The following BAZ2B variants were observed in gnomAD, a reference collection of about 807,000 sequenced individuals.
BAZ2B encodes the protein bromodomain adjacent to zinc finger domain protein 2B.
BAZ2B carries 91 observed loss-of-function variants against 246.0 expected under a neutral mutation model. That is an observed-to-expected ratio of 0.37 (90% CI 0.31 to 0.44). The LOEUF (loss-of-function observed/expected upper bound fraction) is 0.44, where lower values mean the gene tolerates loss of function less well. Among genes scored for constraint, BAZ2B ranks in the 20% least tolerant of loss-of-function variants. The probability of loss-of-function intolerance (pLI) is 1.00; values close to 1 mark genes in which losing one functional copy is unlikely to be tolerated. For synonymous variants in BAZ2B, 855 were observed against 860.0 expected (o/e 0.99, Z 0.10); for missense variants, 2,332 against 2,533.7 (o/e 0.92, Z 1.71).
At chr2:159,586,977 C>T (rs146035154) in intron 1 of BAZ2B, among the ~76,000 whole-genome samples, 27 of 152,258 alleles carry the variant, frequency 1.8e-4, no homozygotes, top group African/African-American at 6.3e-4. Context: ...ACATACCTTC[C>T]TAAAACCTAA....
chr2:159,691,716 C>T, the BAZ2B span, among the ~76,000 whole-genome samples: 7 of 152,298 alleles, frequency 4.6e-5, no homozygotes, highest in Non-Finnish European at 7.4e-5. Flanking sequence ...TATAGTGTTA[C>T]TCAAGGTTTA....
chr2:159,701,029 T>C, the BAZ2B span, among the ~76,000 whole-genome samples: 1 of 152,230 alleles, frequency 6.6e-6, no homozygotes, highest in Admixed American at 6.5e-5. Context: ...CAAATTTAAT[T>C]GGCAAACACA....
intron 27 of BAZ2B, among the ~76,000 whole-genome samples, chr2:159,366,419 G>A (rs1468688758): frequency 1.3e-5 from 2 of 152,162 alleles, no homozygotes; most frequent in African/African-American, 2.4e-5. Flanking sequence ...AAATAACACT[G>A]CACATTTTGG....
In BAZ2B at chr2:159,428,390, A is replaced by G. The variant is rs763261974; in HGVS notation, c.2285T>C (p.Phe762Ser). The G allele has an allele frequency of 4.3e-6, 7 of 1,613,254 alleles. No individual in the cohort carries two copies. Among genetic ancestry groups the G allele is most frequent in the African/African-American group, 4.0e-5 (3 of 75,006 alleles). The part of the protein sequence containing the change: ...GWQRETRIRN[F>S]GGRLQGEVAY... The stretch of plus-strand genomic sequence containing the variant: ...TACTTCTCCTTGAAGGCGCCCTCCA[A>G]AGTTTCTTATTCTTGTCTCTCTCTG... The change falls in exon 12 of 37, where the codon TTT (phenylalanine) becomes TCT (serine). Residue 762 changes from phenylalanine (F) to serine (S), a missense_variant. Physicochemically the swap from Phe to Ser is radical, Grantham distance 155. Coordinates refer to ENST00000392783, the MANE Select transcript of BAZ2B (RefSeq NM_013450.4).
At chr2:159,356,468 T>C (rs1424337182) in intron 27 of BAZ2B, among the ~76,000 whole-genome samples, 1 of 152,168 alleles carries the variant, frequency 6.6e-6, no homozygotes, top group Non-Finnish European at 1.5e-5. Context: ...GGGCATCTCT[T>C]AAAGAAAGAC....
At chr2:159,600,558 A>T (rs1187688773) in intron 1 of BAZ2B, among the ~76,000 whole-genome samples, 1 of 152,248 alleles carries the variant, frequency 6.6e-6, no homozygotes, top group Non-Finnish European at 1.5e-5. Flanking sequence ...ACATACATTC[A>T]CATGATCTTG....
At chr2:159,704,482 CTTTTTT>C in the BAZ2B span, among the ~76,000 whole-genome samples, 1 of 117,014 alleles carries the variant, frequency 8.5e-6, no homozygotes, top group Non-Finnish European at 1.7e-5. Context: ...CTTTCTTTTT[CTTTTTT>C]TTTTTTTTTT....
At position 159,349,725 on chromosome 2, in the gene BAZ2B, C is replaced by T. The variant is rs750330246; in HGVS notation, c.4846G>A (p.Ala1616Thr). ...GTACTAACCTGAAGAGGTGATAAAG[C>T]AAATGGATTTAAGCCAACAGGATTC... ...AQNPVGLNPF[A>T]LSPLQVKGGV... Residue 1616 changes from alanine (A) to threonine (T), a missense_variant, in exon 28 of 37, where the codon GCT becomes ACT. Physicochemically the swap from Ala to Thr is moderately conservative, Grantham distance 58. Around this residue, in one of 9 missense-constraint regions of BAZ2B, gnomAD observed 676 missense variants for 668.6 expected, o/e 1.01. Coordinates refer to ENST00000392783, the MANE Select transcript of BAZ2B (RefSeq NM_013450.4). The T allele has an allele frequency of 6.2e-7, 1 of 1,613,298 alleles. No individual in the cohort carries two copies. The highest frequency in any genetic ancestry group is 2.2e-5 in the East Asian group (1 of 44,846).
At chr2:159,462,525 T>G in intron 3 of BAZ2B, 1 of 960,560 alleles carries the variant, frequency 1.0e-6, no homozygotes, top group Non-Finnish European at 1.7e-6. Flanking sequence ...CAGTTTTCAC[T>G]AATTGCTGTC....
the BAZ2B span, among the ~76,000 whole-genome samples, chr2:159,709,570 T>C: frequency 6.6e-6 from 1 of 152,188 alleles, no homozygotes. Context: ...ATCCCATAAA[T>C]ATATACAAAT....
At chr2:159,690,009 T>G in the BAZ2B span, 1 of 405,488 alleles carries the variant, frequency 2.5e-6, no homozygotes, top group African/African-American at 2.1e-5. Flanking sequence ...TTGTTACAAG[T>G]AAGATCCATG....
chr2:159,450,649 GAAAAATAC>G (rs2074949935), intron 4 of BAZ2B, among the ~76,000 whole-genome samples: 1 of 150,432 alleles, frequency 6.6e-6, no homozygotes. Flanking sequence ...TTGACAAAAT[GAAAAATAC>G]AAAATAAGGA....
chr2:159,371,027 C>T (rs373794688), intron 27 of BAZ2B, among the ~76,000 whole-genome samples: 12 of 152,214 alleles, frequency 7.9e-5, no homozygotes, highest in African/African-American at 2.2e-4. Flanking sequence ...AGGCTCGTCA[C>T]GAACTCCTGA....
intron 1 of BAZ2B, among the ~76,000 whole-genome samples, chr2:159,569,364 G>A (rs770798957): frequency 2.6e-5 from 4 of 152,094 alleles, no homozygotes; most frequent in Non-Finnish European, 5.9e-5. Flanking sequence ...TGCAACACGT[G>A]CAGATTCTGT....
At chr2:159,644,128 C>G in the BAZ2B span, among the ~76,000 whole-genome samples, 1 of 152,112 alleles carries the variant, frequency 6.6e-6, no homozygotes, top group South Asian at 2.1e-4. Flanking sequence ...TCATCTAAAT[C>G]AGATATGGGT....
the BAZ2B span, among the ~76,000 whole-genome samples, chr2:159,690,580 T>A: frequency 0.4 from 60,979 of 151,660 alleles, 12,721 homozygotes; most frequent in African/African-American, 0.5. Context: ...GATTTATTAT[T>A]TGAGTTAGTT....
At chr2:159,690,249 A>G in the BAZ2B span, 1 of 381,952 alleles carries the variant, frequency 2.6e-6, no homozygotes, top group Admixed American at 2.9e-5. Flanking sequence ...TTCTTAGAAA[A>G]TAGATCAGCC....
At chr2:159,619,251 C>G (rs1696332486), upstream of BAZ2B, among the ~76,000 whole-genome samples, 1 of 151,862 alleles carries the variant, frequency 6.6e-6, no homozygotes, top group South Asian at 2.1e-4. Context: ...CCAAAGTTGT[C>G]TTTTACTTGA....
At chr2:159,587,372 G>A (rs1688290067) in intron 1 of BAZ2B, among the ~76,000 whole-genome samples, 1 of 152,040 alleles carries the variant, frequency 6.6e-6, no homozygotes, top group Non-Finnish European at 1.5e-5. Context: ...GAGCCACCAC[G>A]CTCGACGCAA....
Sources: gnomAD v4.1 joint callset for allele counts (sites outside exome capture counted in the v4.1 genomes callset) on GRCh38, gnomAD v4.1.1 for gene constraint, gnomAD v4.1.1 regional missense constraint, MANE v1.5 for transcripts, NCBI Gene and HGNC (gene_info 2026-07-23, HGNC 2026-07-21) for gene names.